AP1S3: variants seen among roughly 807,000 people sequenced by gnomAD.
AP1S3 encodes AP-1 complex subunit sigma-3.
A neutral mutation model predicts 20.9 loss-of-function variants in AP1S3; 10 were observed. That is an observed-to-expected ratio of 0.48 (90% confidence interval 0.29 to 0.81). AP1S3 has a LOEUF of 0.81. Among genes scored for constraint, AP1S3 ranks in the 30% least tolerant of loss-of-function variants. The probability of loss-of-function intolerance (pLI) is 0.08; values close to 1 mark genes in which losing one functional copy is unlikely to be tolerated. For synonymous variants in AP1S3, 41 were observed against 61.5 expected, an observed-to-expected ratio of 0.67 and a Z score of 1.56; for missense variants, 154 against 183.8, an observed-to-expected ratio of 0.84 and a Z score of 0.94.
intron 3 of AP1S3, among the ~76,000 whole-genome samples, chr2:223,766,044 A>G (rs1372255877): frequency 6.6e-6 from 1 of 152,130 alleles, no homozygotes; most frequent in Non-Finnish European, 1.5e-5. Context: ...CAAGTATGGC[A>G]AGATCACTCC....
chr2:223,780,085 T>C (rs1169443971), intron 1 of AP1S3, among the ~76,000 whole-genome samples: 1 of 151,724 alleles, frequency 6.6e-6, no homozygotes, highest in African/African-American at 2.4e-5. Context: ...CCATGCTTTT[T>C]ACTCAGATCT....
rs10527751 is a variant in AP1S3, at chr2:223,799,208, G to GACACACACACACAC, written c.4-21353_4-21340dup. 1.2e-4 allele frequency among the ~76,000 whole-genome samples: 17 copies of GACACACACACACAC among 146,000 alleles called. No homozygotes were observed. The East Asian group carries it at 1.2e-3, about 11-fold the overall frequency. On this transcript the variant is annotated intron_variant, in intron 1 of 4. Transcript: ENST00000396654. ...CATATAAAAGGGAAATTCGGGCCTA[G>GACACACACACACAC]ACACACACACACACACACACACACA...
chr2:223,758,522 A>T lies in AP1S3; in HGVS notation c.*193T>A. On this transcript the variant is annotated 3_prime_UTR_variant, in exon 5 of 5. Coordinates refer to ENST00000396654, the MANE Select transcript of AP1S3 (RefSeq NM_001039569.2). ...CCTATACAGTATAACACAGACACAT[A>T]ATTTTTTTTAATAATACAGACACAT... 1 of 1,294,406 alleles carries T rather than the reference A, an allele frequency of 7.7e-7. No homozygotes were observed. The highest frequency in any genetic ancestry group is 3.0e-5 in the East Asian group (1 of 33,612). The allele number at this position is 1,294,406 out of a possible 1,614,324, so 80.2% of individuals were successfully genotyped here.
intron 1 of AP1S3, among the ~76,000 whole-genome samples, chr2:223,831,848 G>A (rs370214552): frequency 2.6e-5 from 4 of 152,162 alleles, no homozygotes; most frequent in East Asian, 3.9e-4. Context: ...AGGCTGAGGC[G>A]GGCAGATCAC....
At chr2:223,829,861 A>T (rs528546196) in intron 1 of AP1S3, among the ~76,000 whole-genome samples, 3 of 152,070 alleles carry the variant, frequency 2.0e-5, no homozygotes, top group African/African-American at 7.2e-5. Context: ...AAAAAACAAA[A>T]AAACACAGCT....
At chr2:223,815,507 G>A (rs1003425183) in intron 1 of AP1S3, among the ~76,000 whole-genome samples, 5 of 152,176 alleles carry the variant, frequency 3.3e-5, no homozygotes, top group African/African-American at 9.7e-5. Flanking sequence ...TCAAATTCCT[G>A]AGGACTGCGG....
chr2:223,832,807 CTTTTTTTT>C (rs66947467), intron 1 of AP1S3, among the ~76,000 whole-genome samples: 1 of 129,948 alleles, frequency 7.7e-6, no homozygotes, highest in African/African-American at 2.8e-5. Flanking sequence ...TTTCTTTTTT[CTTTTTTTT>C]TTTTTTTTTT....
At chr2:223,807,809 T>C (rs1372151417) in intron 1 of AP1S3, among the ~76,000 whole-genome samples, 1 of 150,120 alleles carries the variant, frequency 6.7e-6, no homozygotes, top group Non-Finnish European at 1.5e-5. Context: ...TGCAGAACTA[T>C]GAGCCAATTG....
chr2:223,802,069 AT>A (rs1323899143), intron 1 of AP1S3, among the ~76,000 whole-genome samples: 1 of 152,194 alleles, frequency 6.6e-6, no homozygotes, highest in Non-Finnish European at 1.5e-5. Context: ...CTAGAGAGTG[AT>A]GAGGAACTTA....
chr2:223,800,234 A>G lies in AP1S3; in HGVS notation c.4-22365T>C, dbSNP rs1390999046. Among the ~76,000 whole-genome samples, 3 of 151,824 alleles carry G rather than the reference A, an allele frequency of 2.0e-5. No homozygotes were observed. In the East Asian group the frequency reaches 5.8e-4, roughly 29 times the overall value. On this transcript the variant is annotated intron_variant, in intron 1 of 4. Coordinates refer to ENST00000396654, the MANE Select transcript of AP1S3 (RefSeq NM_001039569.2). Reference sequence around the variant, plus strand: ...CGTCTAAAAAAAAAAAAAAAAGAAAAAAAATCAATCAATGTAGTCCAAGTA... The same window carrying G: ...CGTCTAAAAAAAAAAAAAAAAGAAAGAAAATCAATCAATGTAGTCCAAGTA...
intron 1 of AP1S3, among the ~76,000 whole-genome samples, chr2:223,786,164 A>G (rs1364609567): frequency 1.3e-5 from 2 of 152,228 alleles, no homozygotes; most frequent in East Asian, 1.9e-4. Context: ...GTGTAACCGA[A>G]GTATCTCCTA....
chr2:223,789,297 TAAGAAA>T (rs1180977006), intron 1 of AP1S3, among the ~76,000 whole-genome samples: 2 of 151,996 alleles, frequency 1.3e-5, no homozygotes, highest in African/African-American at 4.8e-5. Flanking sequence ...AAAAAAGAGA[TAAGAAA>T]AAGTTCTTAA....
Position 223,780,052 on chromosome 2 carries a change from C to T in AP1S3, c.4-2183G>A, listed in dbSNP as rs536230818. 3.3e-5 allele frequency among the ~76,000 whole-genome samples: 5 copies of T among 151,922 alleles called. No homozygotes were observed. The East Asian group carries it at 9.7e-4, about 29-fold the overall frequency. ...TAAATCATTACAACCCACTAGGTGG[C>T]GATATCTGAGGGTCCAATGAAACCA... On this transcript the variant is annotated intron_variant, in intron 1 of 4. Coordinates refer to ENST00000396654, the MANE Select transcript of AP1S3 (RefSeq NM_001039569.2).
At chr2:223,783,616 G>C (rs377544685) in intron 1 of AP1S3, among the ~76,000 whole-genome samples, 2 of 152,194 alleles carry the variant, frequency 1.3e-5, no homozygotes, top group African/African-American at 4.8e-5. Context: ...GCCGGTGTCC[G>C]CATCTTCCTT....
At position 223,824,015 on chromosome 2, in the gene AP1S3, G is replaced by A. The variant is rs115443697; in HGVS notation, c.3+13433C>T. On this transcript the variant is annotated intron_variant, in intron 1 of 4. Coordinates refer to ENST00000396654, the MANE Select transcript of AP1S3 (RefSeq NM_001039569.2). ...AGACGGTTTGTCGTTGTTTTTGTTT[G>A]TTTTTTGAAATGGGATCTTGCACTA... Among the ~76,000 whole-genome samples, 974 of 152,228 alleles carry A rather than the reference G, an allele frequency of 6.4e-3. 11 individuals carry two copies. The highest frequency in any genetic ancestry group is 0.022 in the African/African-American group (914 of 41,530).
intron 1 of AP1S3, among the ~76,000 whole-genome samples, chr2:223,813,099 A>G (rs943261661): frequency 4.6e-5 from 7 of 151,806 alleles, no homozygotes; most frequent in Admixed American, 4.6e-4. Context: ...CAGCTTTTGT[A>G]TTTTACAATA....
At chr2:223,801,643 C>A (rs1192510215) in intron 1 of AP1S3, among the ~76,000 whole-genome samples, 1 of 152,100 alleles carries the variant, frequency 6.6e-6, no homozygotes, top group East Asian at 1.9e-4. Flanking sequence ...GGGGTTTCAC[C>A]ATGTTGGCCA....
chr2:223,788,238 C>T (rs1053658212), intron 1 of AP1S3, among the ~76,000 whole-genome samples: 3 of 151,774 alleles, frequency 2.0e-5, no homozygotes, highest in Admixed American at 6.6e-5. Flanking sequence ...TGAGCCACTG[C>T]GCCAGGCTGG....
Position 223,755,912 on chromosome 2 carries a change from T to A in AP1S3, c.*2803A>T. ...AACTAAAGTGTCTAATATGGAATTA[T>A]CCAGAACATGTGTAGTATATTTGAA... On this transcript the variant is annotated 3_prime_UTR_variant, in exon 5 of 5. Coordinates refer to ENST00000396654, the MANE Select transcript of AP1S3 (RefSeq NM_001039569.2). 7 of 985,448 alleles carry A rather than the reference T, an allele frequency of 7.1e-6. No homozygotes were observed. The highest frequency in any genetic ancestry group is 7.2e-6 in the Non-Finnish European group (6 of 829,936). 61.0% of individuals were successfully genotyped at this position (985,448 alleles called of 1,614,324 possible).
Sources: allele counts gnomAD v4.1 joint callset (sites outside exome capture counted in the v4.1 genomes callset), GRCh38; gene constraint gnomAD v4.1.1; transcripts MANE v1.5; gene names NCBI Gene and HGNC (gene_info 2026-07-23, HGNC 2026-07-21).